EML4: variants seen among roughly 807,000 people sequenced by gnomAD.
The protein encoded by EML4 is EMAP like 4.
A neutral mutation model predicts 129.0 loss-of-function variants in EML4; 72 were observed. The ratio of observed to expected loss-of-function variants is 0.56; its 90% CI spans 0.46 to 0.68. The LOEUF is 0.68. Ranked by LOEUF, EML4 falls within the 30% of genes least tolerant of loss-of-function variation. EML4 has a pLI of 0.00. For synonymous variants in EML4, 532 were observed against 405.0 expected (o/e 1.31, Z -3.77); for missense variants, 1,363 against 1,190.6 (o/e 1.14, Z -2.13).
At chr2:42,181,389 C>T (rs999758303) in intron 1 of EML4, among the ~76,000 whole-genome samples, 3 of 152,172 alleles carry the variant, frequency 2.0e-5, no homozygotes, top group African/African-American at 7.2e-5. Context: ...TCCTCCACCT[C>T]CCGGACTCAA....
In EML4 at chr2:42,289,692, G is replaced by T. The variant is rs1190960334; in HGVS notation, c.1218+1370G>T. The T allele has an allele frequency of 2.0e-5, 3 of 152,078 alleles. No homozygotes were observed. The East Asian group carries it at 5.8e-4, about 29-fold the overall frequency. The allele number at this position is 152,078 out of a possible 1,614,324, so 9.4% of individuals were successfully genotyped here. Reference sequence around the variant, plus strand: ...TTACCTCACTTCTCACATCCAGGTAGTCAGGAAGTTCTCTAAACACCGTGT... The same window carrying T: ...TTACCTCACTTCTCACATCCAGGTATTCAGGAAGTTCTCTAAACACCGTGT... On this transcript the variant is annotated intron_variant, in intron 11 of 22. Coordinates refer to ENST00000318522, the MANE Select transcript of EML4 (RefSeq NM_019063.5).
intron 17 of EML4, among the ~76,000 whole-genome samples, chr2:42,306,166 T>G (rs1668582762): frequency 6.6e-6 from 1 of 152,152 alleles, no homozygotes; most frequent in Admixed American, 6.5e-5. Flanking sequence ...AAGTAATAGA[T>G]CATGATGAGG....
chr2:42,174,651 T>C lies in EML4; in HGVS notation c.25+5015T>C, dbSNP rs186999150. On this transcript the variant is annotated intron_variant, in intron 1 of 22. Transcript: ENST00000318522. ...TTGTCCTTTAGCTGTCTTAGGCTTT[T>C]ATAATACCTTAATTTTGCATGCTGT... Among the ~76,000 whole-genome samples, 39 of 152,310 alleles carry C rather than the reference T, an allele frequency of 2.6e-4. 2 individuals carry two copies. The highest frequency in any genetic ancestry group is 2.2e-3 in the Admixed American group (34 of 15,292).
At chr2:42,329,231 A>G (rs1669971659) in intron 22 of EML4, among the ~76,000 whole-genome samples, 1 of 152,170 alleles carries the variant, frequency 6.6e-6, no homozygotes, top group African/African-American at 2.4e-5. Context: ...ATGACGACCG[A>G]TGATGTTATT....
intron 2 of EML4, among the ~76,000 whole-genome samples, chr2:42,255,914 T>C (rs1300508970): frequency 6.6e-6 from 1 of 152,246 alleles, no homozygotes; most frequent in Admixed American, 6.5e-5. Flanking sequence ...ATGTTCTCTA[T>C]TCCCAAATCT....
chr2:42,208,679 C>G (rs1281304136), intron 1 of EML4, among the ~76,000 whole-genome samples: 2 of 152,028 alleles, frequency 1.3e-5, no homozygotes, highest in African/African-American at 4.8e-5. Flanking sequence ...ATGATCCACC[C>G]TCCTTGGCCT....
At chr2:42,264,931 C>T (rs765863841) in intron 6 of EML4, 200 bp downstream of exon 6, 11 of 1,550,014 alleles carry the variant, frequency 7.1e-6, no homozygotes, top group Non-Finnish European at 8.7e-6. Context: ...AAAATGTCAA[C>T]TCGCGAAAAA....
intron 1 of EML4, among the ~76,000 whole-genome samples, chr2:42,217,416 C>A (rs765814268): frequency 6.6e-6 from 1 of 152,130 alleles, no homozygotes; most frequent in Non-Finnish European, 1.5e-5. Flanking sequence ...TTATATAACC[C>A]ACATTCTTCA....
chr2:42,319,105 C>T (rs79059977), intron 19 of EML4, among the ~76,000 whole-genome samples: 2,938 of 152,274 alleles, frequency 0.019, 38 homozygotes, highest in Non-Finnish European at 0.031. Context: ...ACAGGTAGCC[C>T]TGTAGCACTT....
chr2:42,175,854 T>C (rs1050096228), intron 1 of EML4, among the ~76,000 whole-genome samples: 3 of 152,154 alleles, frequency 2.0e-5, no homozygotes, highest in African/African-American at 7.2e-5. Context: ...GAAAAATAAA[T>C]TATCTTTAGC....
chr2:42,277,534 A>T (rs1666723193), intron 6 of EML4, among the ~76,000 whole-genome samples: 2 of 152,068 alleles, frequency 1.3e-5, no homozygotes, highest in African/African-American at 4.8e-5. Context: ...ATAATAATAA[A>T]AATAACTTGA....
At position 42,218,303 on chromosome 2, in the gene EML4, T is replaced by C. The variant is rs570350916; in HGVS notation, c.26-27202T>C. Among the ~76,000 whole-genome samples the C allele has an allele frequency of 8.3e-4, 127 of 152,188 alleles. 2 individuals carry two copies. Among genetic ancestry groups the C allele is most frequent in the African/African-American group, 3.0e-3 (124 of 41,522 alleles). ...TCCATCACTTCCAGATGGGACCATC[T>C]AGTTGCAGGAAAACAAGCTCAGGGC... On this transcript the variant is annotated intron_variant, in intron 1 of 22. Transcript: ENST00000318522.
rs1395311909 is a variant in EML4, at chr2:42,225,476, T to C, written c.26-20029T>C. ...TTAATTTTTTTGCCTACTTCTGGAT[T>C]GCTGGATTGTAGGCCAAGTATATTT... On this transcript the variant is annotated intron_variant, in intron 1 of 22. Coordinates refer to ENST00000318522, the MANE Select transcript of EML4 (RefSeq NM_019063.5). Among the ~76,000 whole-genome samples the C allele has an allele frequency of 3.9e-5, 6 of 152,190 alleles. No individual in the cohort carries two copies. The South Asian group carries it at 1.2e-3, about 31-fold the overall frequency.
At chr2:42,227,784 T>C (rs1377710154) in intron 1 of EML4, among the ~76,000 whole-genome samples, 1 of 152,226 alleles carries the variant, frequency 6.6e-6, no homozygotes, top group Non-Finnish European at 1.5e-5. Flanking sequence ...TGAATATATT[T>C]TCTCATGATT....
At chr2:42,181,121 A>G (rs933123681) in intron 1 of EML4, among the ~76,000 whole-genome samples, 2 of 152,188 alleles carry the variant, frequency 1.3e-5, no homozygotes, top group Admixed American at 1.3e-4. Context: ...AGACTTGCCC[A>G]CAATTTTACA....
chr2:42,195,741 A>G (rs1431564384), intron 1 of EML4, among the ~76,000 whole-genome samples: 2 of 152,196 alleles, frequency 1.3e-5, no homozygotes, highest in South Asian at 2.1e-4. Flanking sequence ...TTGGTTCAAG[A>G]TGACTCATTT....
At chr2:42,232,239 C>T (rs1674393636) in intron 1 of EML4, among the ~76,000 whole-genome samples, 1 of 152,000 alleles carries the variant, frequency 6.6e-6, no homozygotes, top group Non-Finnish European at 1.5e-5. Context: ...TAATGCACTG[C>T]ACAAGTGGGA....
chr2:42,257,719 C>T (rs1195623286), intron 3 of EML4, among the ~76,000 whole-genome samples: 2 of 152,024 alleles, frequency 1.3e-5, no homozygotes, highest in Middle Eastern at 6.8e-3. Flanking sequence ...TGTCTGTAGT[C>T]GCAGCTACTC....
At chr2:42,228,220 C>A (rs1276873484) in intron 1 of EML4, among the ~76,000 whole-genome samples, 29 of 143,384 alleles carry the variant, frequency 2.0e-4, no homozygotes, top group South Asian at 2.2e-4. Flanking sequence ...GACTCTGTCT[C>A]AAAAAAAAAA....
Sources: gnomAD v4.1 joint callset for allele counts (sites outside exome capture counted in the v4.1 genomes callset) on GRCh38, gnomAD v4.1.1 for gene constraint, MANE v1.5 for transcripts, NCBI Gene and HGNC (gene_info 2026-07-23, HGNC 2026-07-21) for gene names.